RNF24: variants seen among roughly 807,000 people sequenced by gnomAD.
RNF24 encodes ring finger protein 24.
Under a neutral mutation model 20.0 loss-of-function variants are expected in RNF24, and 14 were observed. That is an observed-to-expected ratio of 0.70 (90% CI 0.46 to 1.10). RNF24 has a LOEUF of 1.10. RNF24 is among the 50% of genes least tolerant of loss of function. The probability of loss-of-function intolerance (pLI) is 0.00; values close to 1 mark genes in which losing one functional copy is unlikely to be tolerated. For missense variants in RNF24, 124 were observed against 177.6 expected, an observed-to-expected ratio of 0.70 and a Z score of 1.71; for synonymous variants, 45 against 61.1, an observed-to-expected ratio of 0.74 and a Z score of 1.23.
At chr20:4,008,733 G>A (rs774189094) in intron 1 of RNF24, among the ~76,000 whole-genome samples, 53 of 150,212 alleles carry the variant, frequency 3.5e-4, no homozygotes, top group Non-Finnish European at 6.5e-4. Flanking sequence ...TTTTTAGTAA[G>A]ATGGGGTTTC....
At chr20:3,941,132 G>A (rs1162712952) in intron 4 of RNF24, among the ~76,000 whole-genome samples, 6 of 152,140 alleles carry the variant, frequency 3.9e-5, no homozygotes. Flanking sequence ...AGGCTTGGGT[G>A]ATCTTTCCAC....
In RNF24 at chr20:3,930,053, T is replaced by G. The variant is rs1166358179; in HGVS notation, c.*4010A>C. ...TTATATAGACACACATACACATGTG[T>G]GTACATGCATAAATGATCTCTGGAA... On this transcript the variant is annotated 3_prime_UTR_variant, in exon 6 of 6. Transcript: ENST00000358395. The G allele has an allele frequency of 1.3e-5, 2 of 152,118 alleles. No homozygotes were observed. Among genetic ancestry groups the G allele is most frequent in the South Asian group, 2.1e-4 (1 of 4,824 alleles). The allele number at this position is 152,118 out of a possible 1,614,324, so 9.4% of individuals were successfully genotyped here. A position where few individuals can be genotyped will look rare whatever the true frequency, so the allele number is the denominator to read the frequency against.
At chr20:3,994,717 C>T (rs114297361) in intron 1 of RNF24, among the ~76,000 whole-genome samples, 1,548 of 152,244 alleles carry the variant, frequency 0.01, 16 homozygotes, top group African/African-American at 0.035. Flanking sequence ...CTATAAACCT[C>T]GACAGCTCAC....
chr20:3,970,283 T>C (rs1388663443), intron 1 of RNF24, among the ~76,000 whole-genome samples: 1 of 152,168 alleles, frequency 6.6e-6, no homozygotes, highest in Admixed American at 6.5e-5. Context: ...ATAGGGAACC[T>C]GGACTTCTAC....
At chr20:3,951,603 C>T (rs1468346355) in intron 2 of RNF24, among the ~76,000 whole-genome samples, 2 of 151,950 alleles carry the variant, frequency 1.3e-5, no homozygotes, top group African/African-American at 4.8e-5. Flanking sequence ...GATGTGCTTC[C>T]TCATTTATTT....
intron 2 of RNF24, among the ~76,000 whole-genome samples, chr20:3,951,697 T>A (rs1362747480): frequency 2.6e-5 from 4 of 152,350 alleles, no homozygotes; most frequent in East Asian, 3.9e-4. Context: ...CATTTATTTG[T>A]GCAATTATTT....
chr20:3,997,220 A>C (rs1419927956), intron 1 of RNF24, among the ~76,000 whole-genome samples: 2 of 123,608 alleles, frequency 1.6e-5, no homozygotes, highest in South Asian at 2.6e-4. Flanking sequence ...ACAGAGCAAG[A>C]CTCCATCTCA....
At chr20:3,982,849 A>C (rs530810000) in intron 1 of RNF24, among the ~76,000 whole-genome samples, 6 of 152,284 alleles carry the variant, frequency 3.9e-5, no homozygotes, top group Admixed American at 3.9e-4. Context: ...TGATTGTGCC[A>C]ATGTATTCCA....
At chr20:3,977,597 G>A (rs1338947744) in intron 1 of RNF24, among the ~76,000 whole-genome samples, 2 of 152,144 alleles carry the variant, frequency 1.3e-5, no homozygotes, top group African/African-American at 4.8e-5. Context: ...CAGGCATGGT[G>A]GCTCACGCCT....
chr20:3,965,692 A>C lies in RNF24; in HGVS notation c.-7-1668T>G, dbSNP rs10439596. Among the ~76,000 whole-genome samples the C allele has an allele frequency of 4.6e-3, 702 of 152,346 alleles. 9 individuals are homozygous for C. The highest frequency in any genetic ancestry group is 0.016 in the African/African-American group (667 of 41,578). On this transcript the variant is annotated intron_variant, in intron 1 of 5. Coordinates refer to ENST00000358395, the MANE Select transcript of RNF24 (RefSeq NM_001134337.3). ...GAGCTATTAGAAAATTACAGGGCAC[A>C]AAACTCAGCTCTTAACTTTCATATT... is the stretch of plus-strand genomic sequence containing the variant.
chr20:4,009,889 A>C (rs745519745), intron 1 of RNF24, among the ~76,000 whole-genome samples: 12 of 152,192 alleles, frequency 7.9e-5, no homozygotes, highest in Non-Finnish European at 1.5e-4. Context: ...TGTTTTAAAA[A>C]TATGTATCCA....
intron 1 of RNF24, among the ~76,000 whole-genome samples, chr20:3,984,844 C>T (rs1979745922): frequency 6.6e-6 from 1 of 151,202 alleles, no homozygotes; most frequent in South Asian, 2.1e-4. Context: ...AGACTTCTTT[C>T]CAGTTTTAAG....
chr20:3,958,422 T>C (rs1034308094), intron 2 of RNF24, among the ~76,000 whole-genome samples: 1 of 152,206 alleles, frequency 6.6e-6, no homozygotes, highest in Non-Finnish European at 1.5e-5. Flanking sequence ...ATTCCTTGTA[T>C]CCACTTTCAC....
At chr20:3,968,351 G>A (rs754331769) in intron 1 of RNF24, among the ~76,000 whole-genome samples, 1 of 152,114 alleles carries the variant, frequency 6.6e-6, no homozygotes, top group African/African-American at 2.4e-5. Flanking sequence ...GTACATGCCT[G>A]TAACCCCAGT....
At chr20:4,001,634 G>A (rs545483633) in intron 1 of RNF24, among the ~76,000 whole-genome samples, 7 of 152,166 alleles carry the variant, frequency 4.6e-5, no homozygotes, top group Non-Finnish European at 8.8e-5. Flanking sequence ...AAGATTTGTG[G>A]TCACCAAAGA....
intron 1 of RNF24, among the ~76,000 whole-genome samples, chr20:3,978,625 A>G (rs894253118): frequency 2.0e-5 from 3 of 152,206 alleles, no homozygotes; most frequent in Non-Finnish European, 4.4e-5. Flanking sequence ...GCGGGATGCA[A>G]TAAGAAAATA....
Position 3,931,073 on chromosome 20 carries a change from G to T in RNF24, c.*2990C>A, listed in dbSNP as rs1009420760. The T allele has an allele frequency of 1.2e-4, 18 of 152,222 alleles. No homozygotes were observed. The highest frequency in any genetic ancestry group is 3.9e-4 in the African/African-American group (16 of 41,446). 9.4% of individuals were successfully genotyped at this position (152,222 alleles called of 1,614,324 possible). ...CCCAACCAGGAATCAAGTCAGGCTG[G>T]TTTTGTTCCCTGTTTCTGAAGGCAG... On this transcript the variant is annotated 3_prime_UTR_variant, in exon 6 of 6. Transcript: ENST00000358395.
chr20:3,974,192 C>CAGAAATAGAA, intron 1 of RNF24: 3 of 806,134 alleles, frequency 3.7e-6, no homozygotes, highest in Non-Finnish European at 5.5e-6. Context: ...AAAAAACTCC[C>CAGAAATAGAA]AGAAATAGAA....
intron 1 of RNF24, among the ~76,000 whole-genome samples, chr20:3,998,437 T>C (rs1268722788): frequency 2.0e-5 from 3 of 151,906 alleles, no homozygotes; most frequent in African/African-American, 7.3e-5. Flanking sequence ...TAGCCAGGCA[T>C]GGTGGGACAT....
Sources: allele counts gnomAD v4.1 joint callset (sites outside exome capture counted in the v4.1 genomes callset), GRCh38; gene constraint gnomAD v4.1.1; transcripts MANE v1.5; gene names NCBI Gene and HGNC (gene_info 2026-07-23, HGNC 2026-07-21).